Variants in PIK3CD observed in about 807,000 individuals in gnomAD.
The protein encoded by PIK3CD is phosphatidylinositol-4,5-bisphosphate 3-kinase catalytic subunit delta, also known as phosphatidylinositol 4,5-bisphosphate 3-kinase catalytic subunit delta isoform.
Under a neutral mutation model 122.9 loss-of-function variants are expected in PIK3CD, and 20 were observed. That is an observed-to-expected ratio of 0.16 (90% CI 0.11 to 0.24). The LOEUF (loss-of-function observed/expected upper bound fraction) is 0.24. PIK3CD is among the 10% of genes least tolerant of loss of function. PIK3CD has a pLI of 1.00. For synonymous variants in PIK3CD, 596 were observed against 593.4 expected (o/e 1.00, Z -0.06); for missense variants, 787 against 1,406.3 (o/e 0.56, Z 7.04).
At chr1:9,684,068 C>T (rs1020924753) in intron 1 of PIK3CD, among the ~76,000 whole-genome samples, 4 of 152,124 alleles carry the variant, frequency 2.6e-5, no homozygotes, top group South Asian at 2.1e-4. Context: ...AAGGAGGAAG[C>T]GGCATGGCTT....
Position 9,722,987 on chromosome 1 carries a change from C to T in PIK3CD, c.2427-138C>T, listed in dbSNP as rs1648930687. On this transcript the variant is annotated intron_variant, in intron 19 of 23. Coordinates refer to ENST00000377346, the MANE Select transcript of PIK3CD (RefSeq NM_005026.5). The surrounding 1 kb of genome is among the most constrained non-coding windows in gnomAD (Gnocchi z 7.6). The stretch of plus-strand genomic sequence containing the variant: ...GCCGGCATCTCCAAGGAGCCAGCAT[C>T]TCTCACCTGCTTTTTAGCAATGTGG... 1 of 867,482 alleles carries T rather than the reference C, an allele frequency of 1.2e-6. No individual in the cohort carries two copies. The highest frequency in any genetic ancestry group is 1.7e-5 in the Admixed American group (1 of 58,110). 53.7% of individuals were successfully genotyped at this position (867,482 alleles called of 1,614,324 possible). A position where few individuals can be genotyped will look rare whatever the true frequency, so the allele number is the denominator to read the frequency against.
rs1646750579 is a variant in PIK3CD, at chr1:9,704,263, G to A, written c.-32-6161G>A. On this transcript the variant is annotated intron_variant, in intron 2 of 23. Coordinates refer to ENST00000377346, the MANE Select transcript of PIK3CD (RefSeq NM_005026.5). The surrounding 1 kb of genome is among the most constrained non-coding windows in gnomAD (Gnocchi z 5.0). ...TCCCTACATCCCATTTAGGTAAGGT[G>A]TAGTTGAAGACTTCATTTCCAGAGT... Among the ~76,000 whole-genome samples the A allele has an allele frequency of 1.3e-5, 2 of 152,328 alleles. No individual in the cohort carries two copies. Among genetic ancestry groups the A allele is most frequent in the South Asian group, 4.1e-4 (2 of 4,830 alleles).
chr1:9,648,719 A>G (rs1434054114), upstream of PIK3CD, among the ~76,000 whole-genome samples: 5 of 152,256 alleles, frequency 3.3e-5, no homozygotes, highest in South Asian at 2.1e-4. Context: ...GACAGGCCCA[A>G]CGTTCCTTCC....
intron 2 of PIK3CD, among the ~76,000 whole-genome samples, chr1:9,707,492 T>C (rs1025262571): frequency 1.3e-5 from 2 of 152,084 alleles, no homozygotes; most frequent in African/African-American, 4.8e-5. Context: ...CCATGAGTTA[T>C]TCTTCCTCAT....
Position 9,717,130 on chromosome 1 carries a change from C to G in PIK3CD, c.930+22C>G, listed in dbSNP as rs1159927714. On this transcript the variant is annotated intron_variant, in intron 7 of 23. Transcript: ENST00000377346. The surrounding 1 kb of genome is among the most constrained non-coding windows in gnomAD (Gnocchi z 5.4). ...GAAGGTGAGATGGCGCCTTCCGCCT[C>G]CCCTCTGAGCCACCCCTTCTTTCCA... 6.2e-7 allele frequency: 1 copy of G among 1,613,660 alleles called. No homozygotes were observed. Among genetic ancestry groups the G allele is most frequent in the Non-Finnish European group, 8.5e-7 (1 of 1,179,954 alleles).
intron 1 of PIK3CD, among the ~76,000 whole-genome samples, chr1:9,654,921 G>C (rs1452124475): frequency 6.6e-6 from 1 of 151,924 alleles, no homozygotes; most frequent in Non-Finnish European, 1.5e-5. Context: ...AAAAAAATTA[G>C]CTGGGCGTGG....
At position 9,717,323 on chromosome 1, in the gene PIK3CD, C is replaced by G. The variant is rs890377134; in HGVS notation, c.931-214C>G. ...GCCCCATGCCTGGCTCACCGGCTGCCCTTCCCCTCTGCAGAGCTCAGGGGT... is the reference window on the plus strand; with the variant it reads ...GCCCCATGCCTGGCTCACCGGCTGCGCTTCCCCTCTGCAGAGCTCAGGGGT... On this transcript the variant is annotated intron_variant, in intron 7 of 23. Coordinates refer to ENST00000377346, the MANE Select transcript of PIK3CD (RefSeq NM_005026.5). The surrounding 1 kb of genome is among the most constrained non-coding windows in gnomAD (Gnocchi z 5.4). Among the ~76,000 whole-genome samples, 26 of 152,180 alleles carry G rather than the reference C, an allele frequency of 1.7e-4. No homozygotes were observed. Among genetic ancestry groups the G allele is most frequent in the African/African-American group, 6.0e-4 (25 of 41,450 alleles).
intron 2 of PIK3CD, among the ~76,000 whole-genome samples, chr1:9,708,464 A>T (rs1646927827): frequency 6.6e-6 from 1 of 152,134 alleles, no homozygotes; most frequent in African/African-American, 2.4e-5. Context: ...TGCAGGTGTA[A>T]GCCACCATGC....
the PIK3CD span, among the ~76,000 whole-genome samples, chr1:9,629,349 C>T: frequency 5.9e-5 from 9 of 152,060 alleles, no homozygotes; most frequent in East Asian, 1.7e-3. Context: ...TCACACATTC[C>T]AGGAACCCCC....
chr1:9,705,829 A>T (rs1646810429), intron 2 of PIK3CD, among the ~76,000 whole-genome samples: 1 of 152,296 alleles, frequency 6.6e-6, no homozygotes, highest in South Asian at 2.1e-4. Context: ...GTGTTGACCA[A>T]TATCTGGAGA....
At chr1:9,679,721 G>A (rs567318647) in intron 1 of PIK3CD, among the ~76,000 whole-genome samples, 4 of 152,054 alleles carry the variant, frequency 2.6e-5, no homozygotes, top group Non-Finnish European at 5.9e-5. Context: ...CTTCTTCCTC[G>A]TCATGTTTTA....
upstream of PIK3CD, among the ~76,000 whole-genome samples, chr1:9,650,173 C>T (rs952709406): frequency 5.3e-5 from 8 of 152,230 alleles, no homozygotes; most frequent in South Asian, 2.1e-4. Flanking sequence ...CCTGTAATCC[C>T]AGCACTTTGG....
In PIK3CD at chr1:9,724,781, C is replaced by T. The variant is rs751018940; in HGVS notation, c.2865-23C>T. Reference sequence around the variant, plus strand: ...GTGGCTGGGAGTTCCCAGAGCCTCACTTCCTCTGTCCCCTACCTGCAGGTT... The same window carrying T: ...GTGGCTGGGAGTTCCCAGAGCCTCATTTCCTCTGTCCCCTACCTGCAGGTT... On this transcript the variant is annotated intron_variant, in intron 22 of 23. Coordinates refer to ENST00000377346, the MANE Select transcript of PIK3CD (RefSeq NM_005026.5). The surrounding 1 kb of genome is among the most constrained non-coding windows in gnomAD (Gnocchi z 7.3). 5.0e-6 allele frequency: 8 copies of T among 1,611,928 alleles called. No homozygotes were observed. Among genetic ancestry groups the T allele is most frequent in the Non-Finnish European group, 6.8e-6 (8 of 1,180,012 alleles).
intron 1 of PIK3CD, among the ~76,000 whole-genome samples, chr1:9,679,812 G>A (rs911693478): frequency 1.3e-5 from 2 of 152,070 alleles, no homozygotes; most frequent in Non-Finnish European, 2.9e-5. Flanking sequence ...TTTTGTTGCT[G>A]TTGTTGTTAT....
chr1:9,654,570 T>G, intron 1 of PIK3CD: 1 of 427,788 alleles, frequency 2.3e-6, no homozygotes, highest in South Asian at 1.9e-5. Context: ...TGCTTCATCT[T>G]GTTTTACTTA....
At chr1:9,659,210 G>T (rs540017263) in intron 1 of PIK3CD, among the ~76,000 whole-genome samples, 2 of 152,066 alleles carry the variant, frequency 1.3e-5, no homozygotes, top group African/African-American at 2.4e-5. Flanking sequence ...GCTAATGCAC[G>T]CGGGGCTTAA....
chr1:9,631,542 G>C, the PIK3CD span, among the ~76,000 whole-genome samples: 1 of 152,242 alleles, frequency 6.6e-6, no homozygotes, highest in Non-Finnish European at 1.5e-5. Context: ...TGTAATCCCA[G>C]CTACTCAGGA....
chr1:9,721,219 C>G lies in PIK3CD; in HGVS notation c.1782C>G (p.Ser594=). ...GCTTCCCCGATTGCCACGTAGGCTC[C>G]TTCGCCATCAAGTCGCTGCGGAAAC... is the stretch of plus-strand genomic sequence containing the variant. ...DFSFPDCHVG[S]FAIKSLRKLT... Residue 594 remains serine (S), a synonymous_variant, in exon 14 of 24, where the codon TCC becomes TCG. Coordinates refer to ENST00000377346, the MANE Select transcript of PIK3CD (RefSeq NM_005026.5). 6.2e-7 allele frequency: 1 copy of G among 1,613,490 alleles called. No individual in the cohort carries two copies. Among genetic ancestry groups the G allele is most frequent in the African/African-American group, 1.3e-5 (1 of 75,054 alleles).
chr1:9,653,856 T>C (rs1192713728), intron 1 of PIK3CD: 1 of 1,367,594 alleles, frequency 7.3e-7, no homozygotes, highest in Non-Finnish European at 9.8e-7. Flanking sequence ...TGGTCCTCTT[T>C]TGGTGCTTTC....
Sources: allele counts gnomAD v4.1 joint callset (sites outside exome capture counted in the v4.1 genomes callset), GRCh38; gene constraint gnomAD v4.1.1; non-coding constraint Gnocchi (gnomAD v3.1); transcripts MANE v1.5; gene names NCBI Gene and HGNC (gene_info 2026-07-23, HGNC 2026-07-21).